The following IL1RAPL1 variants were observed in gnomAD, a reference collection of about 807,000 sequenced individuals.
The protein encoded by IL1RAPL1 is interleukin-1 receptor accessory protein-like 1.
A neutral mutation model predicts 48.4 loss-of-function variants in IL1RAPL1; 3 were observed. The ratio of observed to expected loss-of-function variants is 0.06; its 90% CI spans 0.03 to 0.16. The LOEUF (loss-of-function observed/expected upper bound fraction) is 0.16, where lower values mean the gene tolerates loss of function less well. Among genes scored for constraint, IL1RAPL1 ranks in the 10% least tolerant of loss-of-function variants. IL1RAPL1 has a pLI of 1.00. For missense variants in IL1RAPL1, 349 were observed against 530.6 expected, an observed-to-expected ratio of 0.66 and a Z score of 3.36; for synonymous variants, 185 against 187.7, an observed-to-expected ratio of 0.99 and a Z score of 0.12.
intron 5 of IL1RAPL1, among the ~76,000 whole-genome samples, chrX:29,453,783 A>G (rs952426231): frequency 8.9e-6 from 1 of 112,321 alleles, no homozygotes; most frequent in Non-Finnish European, 1.9e-5. Flanking sequence ...AAATTGTTTT[A>G]CTCAGATAAA....
intron 2 of IL1RAPL1, among the ~76,000 whole-genome samples, chrX:28,995,245 A>G (rs762259226): frequency 1.8e-5 from 2 of 111,980 alleles, no homozygotes; most frequent in African/African-American, 6.5e-5. Context: ...TATATTTTCA[A>G]TTCTTCAATA....
At chrX:28,589,955 T>C (rs1933890202) in intron 1 of IL1RAPL1, among the ~76,000 whole-genome samples, 1 of 112,191 alleles carries the variant, frequency 8.9e-6, no homozygotes, top group Admixed American at 9.4e-5. Context: ...GCAATCCATG[T>C]TCAAGTTTCA....
At chrX:29,303,865 T>G (rs1932575881) in intron 3 of IL1RAPL1, among the ~76,000 whole-genome samples, 1 of 112,292 alleles carries the variant, frequency 8.9e-6, no homozygotes, top group African/African-American at 3.2e-5. Context: ...GGACTAATTT[T>G]TTCTCTATCA....
intron 1 of IL1RAPL1, among the ~76,000 whole-genome samples, chrX:28,651,163 C>G (rs1934678621): frequency 8.9e-6 from 1 of 112,231 alleles, no homozygotes; most frequent in Non-Finnish European, 1.9e-5. Context: ...AGTCCCATTT[C>G]TGAGATATCT....
chrX:29,913,068 T>C (rs908778497), intron 6 of IL1RAPL1, among the ~76,000 whole-genome samples: 1 of 111,104 alleles, frequency 9.0e-6, no homozygotes, highest in African/African-American at 3.3e-5. Context: ...AATTACTTTT[T>C]CCCAATAAAT....
intron 2 of IL1RAPL1, among the ~76,000 whole-genome samples, chrX:28,803,175 CTT>C (rs888280675): frequency 4.5e-5 from 5 of 111,692 alleles, no homozygotes; most frequent in African/African-American, 1.6e-4. Context: ...TAAAAATCCT[CTT>C]TTAATACATT....
chrX:29,544,430 G>C (rs917985946), intron 5 of IL1RAPL1, among the ~76,000 whole-genome samples: 1 of 111,571 alleles, frequency 9.0e-6, no homozygotes, highest in Non-Finnish European at 1.9e-5. Context: ...TTCAAGTGTT[G>C]TGTGTATCTG....
At chrX:29,600,761 C>T (rs894666121) in intron 5 of IL1RAPL1, among the ~76,000 whole-genome samples, 22 of 110,801 alleles carry the variant, frequency 2.0e-4, no homozygotes, top group Non-Finnish European at 3.4e-4. Context: ...TGGGGGATAG[C>T]GGTGTGGTTC....
At chrX:29,364,669 A>T (rs1478768552) in intron 3 of IL1RAPL1, among the ~76,000 whole-genome samples, 1 of 111,272 alleles carries the variant, frequency 9.0e-6, no homozygotes, top group African/African-American at 3.3e-5. Flanking sequence ...AAACAGTGTA[A>T]CAACTATTTA....
At chrX:29,433,409 A>T (rs1305289776) in intron 5 of IL1RAPL1, among the ~76,000 whole-genome samples, 1 of 111,283 alleles carries the variant, frequency 9.0e-6, no homozygotes, top group African/African-American at 3.3e-5. Flanking sequence ...ATTTCCTGTG[A>T]CATACATTCT....
intron 1 of IL1RAPL1, among the ~76,000 whole-genome samples, chrX:28,666,519 C>T (rs189608294): frequency 9.9e-5 from 11 of 111,310 alleles, no homozygotes; most frequent in Admixed American, 4.8e-4. Flanking sequence ...CATTACTAGG[C>T]GGTTTTTGAA....
chrX:29,760,441 G>A (rs780662413), intron 6 of IL1RAPL1, among the ~76,000 whole-genome samples: 1 of 111,602 alleles, frequency 9.0e-6, no homozygotes, highest in Non-Finnish European at 1.9e-5. Context: ...AGAACTGCAT[G>A]CAATTCTACA....
chrX:28,939,977 C>G (rs1162384169), intron 2 of IL1RAPL1, among the ~76,000 whole-genome samples: 1 of 111,362 alleles, frequency 9.0e-6, no homozygotes, highest in Non-Finnish European at 1.9e-5. Context: ...TGACTCTATG[C>G]CTATGTGCAT....
chrX:28,965,074 C>G (rs1009492338), intron 2 of IL1RAPL1, among the ~76,000 whole-genome samples: 4 of 111,138 alleles, frequency 3.6e-5, no homozygotes, highest in African/African-American at 1.3e-4. Context: ...TACATTAGCT[C>G]AGAAGTCAAA....
At chrX:29,670,071 C>T (rs185918629) in intron 6 of IL1RAPL1, among the ~76,000 whole-genome samples, 3 of 111,267 alleles carry the variant, frequency 2.7e-5, no homozygotes, top group Admixed American at 9.6e-5. Context: ...ATTAATTGTA[C>T]GCCTTTGCTT....
chrX:29,822,895 G>A (rs761319877), intron 6 of IL1RAPL1, among the ~76,000 whole-genome samples: 31 of 112,035 alleles, frequency 2.8e-4, no homozygotes, highest in Non-Finnish European at 5.1e-4. Context: ...ACTTATAGTG[G>A]AAGGAATGGA....
chrX:29,536,906 C>A (rs1251172030), intron 5 of IL1RAPL1, among the ~76,000 whole-genome samples: 1 of 109,490 alleles, frequency 9.1e-6, no homozygotes, highest in African/African-American at 3.3e-5. Context: ...TTGCTTCATA[C>A]AATTTTATTA....
chrX:29,430,593 ATG>A (rs1190938424), intron 5 of IL1RAPL1, among the ~76,000 whole-genome samples: 62 of 50,711 alleles, frequency 1.2e-3, no homozygotes, highest in East Asian at 5.9e-3. Context: ...ATATATATAT[ATG>A]TGTGTGTGTG....
chrX:29,583,276 T>G (rs1923040342), intron 5 of IL1RAPL1, among the ~76,000 whole-genome samples: 1 of 50,933 alleles, frequency 2.0e-5, no homozygotes, highest in Non-Finnish European at 3.5e-5. Context: ...GGAAGTCAAA[T>G]TGTCCCTGTT....
Sources: allele counts gnomAD v4.1 joint callset (sites outside exome capture counted in the v4.1 genomes callset), GRCh38; gene constraint gnomAD v4.1.1; transcripts MANE v1.5; gene names NCBI Gene and HGNC (gene_info 2026-07-23, HGNC 2026-07-21).